Variants in EVI5L observed in about 807,000 individuals in gnomAD.
The protein encoded by EVI5L is EVI5-like protein.
A neutral mutation model predicts 106.1 loss-of-function variants in EVI5L; 30 were observed. The ratio of observed to expected loss-of-function variants is 0.28; its 90% CI spans 0.21 to 0.38. The LOEUF is 0.38. Ranked by LOEUF, EVI5L falls within the 10% of genes least tolerant of loss-of-function variation. The pLI is 1.00. For synonymous variants in EVI5L, 489 were observed against 483.3 expected (o/e 1.01, Z -0.15); for missense variants, 809 against 1,098.0 (o/e 0.74, Z 3.72).
At chr19:7,859,302 T>G (rs1979686227) in intron 13 of EVI5L, 1 of 151,930 alleles carries the variant, frequency 6.6e-6, no homozygotes, top group Non-Finnish European at 1.5e-5. Context: ...CAGGGACACA[T>G]GCCCTGGAGG....
chr19:7,861,302 C>T (rs1979790229), intron 14 of EVI5L, among the ~76,000 whole-genome samples: 1 of 152,254 alleles, frequency 6.6e-6, no homozygotes, highest in Non-Finnish European at 1.5e-5. Context: ...CCTCCCTCCA[C>T]TTCATAGGGA....
chr19:7,837,396 C>T (rs1477480978), intron 1 of EVI5L, among the ~76,000 whole-genome samples: 1 of 152,106 alleles, frequency 6.6e-6, no homozygotes, highest in Non-Finnish European at 1.5e-5. Context: ...ATTTATGGAA[C>T]AATTGAGAAG....
chr19:7,851,339 G>A lies in EVI5L; in HGVS notation c.754-95G>A. ...CCTCAGGCTGCCCAGCGCAGGTCCA[G>A]GAAGGCTCCCTGGAGGCGGGGACAC... On this transcript the variant is annotated intron_variant, in intron 6 of 19. Transcript: ENST00000538904. 3 of 1,484,718 alleles carry A rather than the reference G, an allele frequency of 2.0e-6. 1 individual carries two copies. In the South Asian group the frequency reaches 3.9e-5, roughly 19 times the overall value. The allele number at this position is 1,484,718 out of a possible 1,614,324, so 92.0% of individuals were successfully genotyped here.
chr19:7,850,237 C>A lies in EVI5L; in HGVS notation c.753+115C>A. On this transcript the variant is annotated intron_variant, in intron 6 of 19. Transcript: ENST00000538904. The surrounding 1 kb of genome is among the most constrained non-coding windows in gnomAD (Gnocchi z 5.4). ...GCTGGCACCCTAGACCATACCCGGG[C>A]ACCTCTTGGACTGAAAATTCCAAGC... 7.1e-7 allele frequency: 1 copy of A among 1,416,008 alleles called. No individual in the cohort carries two copies. The allele number at this position is 1,416,008 out of a possible 1,614,324, so 87.7% of individuals were successfully genotyped here. A position where few individuals can be genotyped will look rare whatever the true frequency, so the allele number is the denominator to read the frequency against.
chr19:7,863,017 A>G lies in EVI5L; in HGVS notation c.1993A>G (p.Met665Val), dbSNP rs1418431625. 2.5e-6 allele frequency: 4 copies of G among 1,581,640 alleles called. No individual in the cohort carries two copies. Among genetic ancestry groups the G allele is most frequent in the Non-Finnish European group, 3.4e-6 (4 of 1,171,372 alleles). ...TGTGCGACTGCGGGAGGCGGACAGCATGGCTGCGGTGGCCGAGATGCGGCA... is the reference window on the plus strand; with the variant it reads ...TGTGCGACTGCGGGAGGCGGACAGCGTGGCTGCGGTGGCCGAGATGCGGCA... ...MAVRLREADS[M>V]AAVAEMRQRI... The change falls in exon 18 of 20, where the codon ATG (methionine) becomes GTG (valine). Residue 665 changes from methionine to valine, a missense_variant. Around this residue, in one of 2 missense-constraint regions of EVI5L, gnomAD observed 452 missense variants for 509.9 expected, o/e 0.89. Coordinates refer to ENST00000538904, the MANE Select transcript of EVI5L (RefSeq NM_001159944.3). The surrounding 1 kb of genome is among the most constrained non-coding windows in gnomAD (Gnocchi z 7.7).
At chr19:7,831,995 G>T (rs1000463798) in intron 1 of EVI5L, among the ~76,000 whole-genome samples, 1 of 152,250 alleles carries the variant, frequency 6.6e-6, no homozygotes, top group Non-Finnish European at 1.5e-5. Flanking sequence ...TGCTGAAGAG[G>T]CTCGAGTGGA....
Position 7,857,489 on chromosome 19 carries a change from C to G in EVI5L, c.1233+365C>G. The G allele has an allele frequency of 4.5e-6, 2 of 440,716 alleles. No homozygotes were observed. The highest frequency in any genetic ancestry group is 4.6e-5 in the South Asian group (2 of 43,670). The allele number at this position is 440,716 out of a possible 1,614,324, so 27.3% of individuals were successfully genotyped here. The stretch of plus-strand genomic sequence containing the variant: ...GCTGCGGTCACACACACACACAACA[C>G]ATGCACACACACACACGCACACACA... On this transcript the variant is annotated intron_variant, in intron 12 of 19. Transcript: ENST00000538904. The surrounding 1 kb of genome is among the most constrained non-coding windows in gnomAD (Gnocchi z 4.5).
intron 8 of EVI5L, 77 bp downstream of exon 8, chr19:7,851,847 CAGAG>C: frequency 7.6e-7 from 1 of 1,318,392 alleles, no homozygotes; most frequent in Non-Finnish European, 1.0e-6. Context: ...TCACAAGTGA[CAGAG>C]AGGGCCCGGC....
chr19:7,846,454 G>C (rs1006088158), intron 1 of EVI5L, 42 bp from the exon 2 acceptor site: 10 of 1,486,878 alleles, frequency 6.7e-6, no homozygotes, highest in African/African-American at 1.4e-5. Context: ...GGATGGAGTG[G>C]GCTCCCACCC....
Position 7,862,499 on chromosome 19 carries a change from G to A in EVI5L, c.1912G>A (p.Glu638Lys). ...QNKGLQTQLS[E>K]SRRKQAEAEC... Reference sequence around the variant, plus strand: ...CAAGGGGCTGCAGACGCAGCTCAGCGAAAGCCGCCGCAAGCAGGCCGAGGC... The same window carrying A: ...CAAGGGGCTGCAGACGCAGCTCAGCAAAAGCCGCCGCAAGCAGGCCGAGGC... The change falls in exon 17 of 20, where the codon GAA (glutamate) becomes AAA (lysine). Residue 638 changes from glutamate (E) to lysine (K), a missense_variant. Glu to Lys is a moderately conservative substitution (Grantham distance 56, BLOSUM62 1). Transcript: ENST00000538904. 1 of 1,568,010 alleles carries A rather than the reference G, an allele frequency of 6.4e-7. No individual in the cohort carries two copies. The highest frequency in any genetic ancestry group is 8.6e-7 in the Non-Finnish European group (1 of 1,158,126).
At chr19:7,846,765 G>A (rs941957263) in intron 2 of EVI5L, 86 bp downstream of exon 2, 1 of 1,514,416 alleles carries the variant, frequency 6.6e-7, no homozygotes, top group East Asian at 2.3e-5. Context: ...CACATTCAGA[G>A]CCAGGCCCAG....
rs1568239011 is a variant in EVI5L, at chr19:7,849,987, T to A, written c.628-10T>A. On this transcript the variant is annotated splice_polypyrimidine_tract_variant and intron_variant, in intron 5 of 19. Coordinates refer to ENST00000538904, the MANE Select transcript of EVI5L (RefSeq NM_001159944.3). ...TGCCCTGAGCCCCCCCACCTGCCCG[T>A]CCCCCCTAGATGCCTGAGGAGGAGG... is the stretch of plus-strand genomic sequence containing the variant. 6.4e-7 allele frequency: 1 copy of A among 1,573,930 alleles called. No individual in the cohort carries two copies.
At position 7,863,298 on chromosome 19, in the gene EVI5L, T is replaced by C. The variant is rs1209078917; in HGVS notation, c.2139+18T>C. 1.3e-6 allele frequency: 2 copies of C among 1,551,214 alleles called. No individual in the cohort carries two copies. Among genetic ancestry groups the C allele is most frequent in the Non-Finnish European group, 1.7e-6 (2 of 1,147,478 alleles). ...AGGCCGAGGTGAGCCGGCGCGGGGA[T>C]GCCGGGGACAGGCCTGGGTGTCGTC... On this transcript the variant is annotated intron_variant, in intron 19 of 19. Coordinates refer to ENST00000538904, the MANE Select transcript of EVI5L (RefSeq NM_001159944.3). This position sits in a 1 kb window ranked among gnomAD's most constrained non-coding sequence, Gnocchi z 7.7.
chr19:7,848,765 T>A lies in EVI5L; in HGVS notation c.328-156T>A, dbSNP rs1979084328. On this transcript the variant is annotated intron_variant, in intron 3 of 19. Transcript: ENST00000538904. This position sits in a 1 kb window ranked among gnomAD's most constrained non-coding sequence, Gnocchi z 4.8. ...GCCTGGGTGACAGAGGGAGACCCTG[T>A]CTCTGAAAAAAGGGGGTAAAAAAAG... The A allele has an allele frequency of 1.5e-6, 1 of 672,964 alleles. No homozygotes were observed. Among genetic ancestry groups the A allele is most frequent in the African/African-American group, 1.8e-5 (1 of 55,268 alleles). 41.7% of individuals were successfully genotyped at this position (672,964 alleles called of 1,614,324 possible).
chr19:7,832,502 C>T (rs1025391212), intron 1 of EVI5L, among the ~76,000 whole-genome samples: 4 of 152,076 alleles, frequency 2.6e-5, no homozygotes, highest in African/African-American at 7.2e-5. Flanking sequence ...GCGGGGAGAG[C>T]GGCTAAATTT....
In EVI5L at chr19:7,851,421, C is replaced by G. The variant is rs1423501242; in HGVS notation, c.754-13C>G. ...CCCCCTCACTGTGCCCACCCGGCCT[C>G]CCACCCCTGCAGGAGCAGCTCCCAG... On this transcript the variant is annotated splice_polypyrimidine_tract_variant and intron_variant, in intron 6 of 19. Transcript: ENST00000538904. 1 of 1,607,340 alleles carries G rather than the reference C, an allele frequency of 6.2e-7. No individual in the cohort carries two copies. Among genetic ancestry groups the G allele is most frequent in the Admixed American group, 1.7e-5 (1 of 59,220 alleles).
At chr19:7,831,871 T>C (rs1018292665) in intron 1 of EVI5L, among the ~76,000 whole-genome samples, 1 of 152,206 alleles carries the variant, frequency 6.6e-6, no homozygotes, top group Non-Finnish European at 1.5e-5. Context: ...CCACAACTAG[T>C]GTGTTTGGCC....
At chr19:7,837,139 T>A (rs1288038427) in intron 1 of EVI5L, among the ~76,000 whole-genome samples, 1 of 150,674 alleles carries the variant, frequency 6.6e-6, no homozygotes, top group African/African-American at 2.4e-5. Flanking sequence ...AAAACCAGCC[T>A]GGCCAACATG....
Position 7,863,752 on chromosome 19 carries a change from C to A in EVI5L, c.*50C>A. On this transcript the variant is annotated 3_prime_UTR_variant, in exon 20 of 20. Coordinates refer to ENST00000538904, the MANE Select transcript of EVI5L (RefSeq NM_001159944.3). The surrounding 1 kb of genome is among the most constrained non-coding windows in gnomAD (Gnocchi z 7.7). The stretch of plus-strand genomic sequence containing the variant: ...CAGGAGGCCGCAGCCGCGGGGGGCG[C>A]CCGGGCAGTCCGCGTTCTGCTCCCC... 4 of 1,424,072 alleles carry A rather than the reference C, an allele frequency of 2.8e-6. No individual in the cohort carries two copies. Among genetic ancestry groups the A allele is most frequent in the Non-Finnish European group, 3.7e-6 (4 of 1,095,462 alleles). The allele number at this position is 1,424,072 out of a possible 1,614,324, so 88.2% of individuals were successfully genotyped here.
Sources: allele counts gnomAD v4.1 joint callset (sites outside exome capture counted in the v4.1 genomes callset), GRCh38; gene constraint gnomAD v4.1.1; regional missense constraint gnomAD v4.1.1; non-coding constraint Gnocchi (gnomAD v3.1); transcripts MANE v1.5; gene names NCBI Gene and HGNC (gene_info 2026-07-23, HGNC 2026-07-21).